The following TBC1D9 variants were observed in gnomAD, a reference collection of about 807,000 sequenced individuals.
TBC1D9 encodes the protein TBC1 domain family member 9, also known as TBC1 domain family member 9A.
Under a neutral mutation model 132.0 loss-of-function variants are expected in TBC1D9, and 63 were observed. The observed-to-expected ratio is 0.48, with a 90% CI of 0.39 to 0.59. The LOEUF (loss-of-function observed/expected upper bound fraction) is 0.59, where lower values mean the gene tolerates loss of function less well. TBC1D9 is among the 20% of genes least tolerant of loss of function. TBC1D9 has a pLI of 0.00. For missense variants in TBC1D9, 1,261 were observed against 1,592.7 expected, an observed-to-expected ratio of 0.79 and a Z score of 3.54; for synonymous variants, 610 against 609.9, an observed-to-expected ratio of 1.00 and a Z score of 0.00.
chr4:140,752,195 G>A (rs188040185), intron 1 of TBC1D9, among the ~76,000 whole-genome samples: 29 of 152,204 alleles, frequency 1.9e-4, no homozygotes, highest in African/African-American at 6.5e-4. Flanking sequence ...TTGATAAAGA[G>A]ATGAATAAAT....
At chr4:140,650,682 ATCACCATGCCTGGCTGATTT>A (rs1198442270) in intron 13 of TBC1D9, among the ~76,000 whole-genome samples, 3 of 152,010 alleles carry the variant, frequency 2.0e-5, no homozygotes, top group Non-Finnish European at 4.4e-5. Flanking sequence ...ACAGGCGCCC[ATCACCATGCCTGGCTGATTT>A]TTTTGTCTTT....
At chr4:140,707,877 C>G (rs887937085) in intron 1 of TBC1D9, among the ~76,000 whole-genome samples, 2 of 152,182 alleles carry the variant, frequency 1.3e-5, no homozygotes, top group African/African-American at 4.8e-5. Flanking sequence ...ACACTCAAGC[C>G]CCCCAAATCT....
intron 9 of TBC1D9, among the ~76,000 whole-genome samples, chr4:140,667,642 T>C (rs1046327352): frequency 3.3e-5 from 5 of 152,076 alleles, no homozygotes; most frequent in Admixed American, 2.6e-4. Flanking sequence ...CTCATGACTA[T>C]CATCCCAGCA....
chr4:140,670,486 T>TG, intron 7 of TBC1D9: 1 of 515,894 alleles, frequency 1.9e-6, no homozygotes, highest in Non-Finnish European at 3.5e-6. Context: ...ACAGATTACT[T>TG]AAGAATTTCT....
intron 1 of TBC1D9, among the ~76,000 whole-genome samples, chr4:140,717,914 A>G (rs1738363458): frequency 6.6e-6 from 1 of 152,170 alleles, no homozygotes; most frequent in Admixed American, 6.5e-5. Flanking sequence ...AGCTAGCAAT[A>G]TACTTGTTCT....
intron 13 of TBC1D9, among the ~76,000 whole-genome samples, chr4:140,648,363 G>A (rs528177948): frequency 2.0e-5 from 3 of 150,768 alleles, no homozygotes; most frequent in African/African-American, 7.3e-5. Context: ...ATCTTTATGA[G>A]CAGAAAGGCA....
At chr4:140,741,633 G>T (rs1396025288) in intron 1 of TBC1D9, among the ~76,000 whole-genome samples, 2 of 152,186 alleles carry the variant, frequency 1.3e-5, no homozygotes, top group African/African-American at 4.8e-5. Context: ...TGGGAGTATG[G>T]CTTGAGTCCA....
Position 140,634,166 on chromosome 4 carries a change from T to C in TBC1D9, c.2528A>G (p.Tyr843Cys). 1 of 1,613,446 alleles carries C rather than the reference T, an allele frequency of 6.2e-7. No individual in the cohort carries two copies. Among genetic ancestry groups the C allele is most frequent in the Non-Finnish European group, 8.5e-7 (1 of 1,179,880 alleles). ...LFKAEHLTSC[Y>C]WGGSSNALDR... ...CAGCGCGTTGCTGCTCCCGCCCCAG[T>C]AGCAGCTGGTGAGATGTTCTGCCTG... is the stretch of plus-strand genomic sequence containing the variant. The change falls in exon 16 of 21, where the codon TAC becomes TGC. Residue 843 changes from tyrosine (Y) to cysteine (C), a missense_variant. Around this residue, in one of 3 missense-constraint regions of TBC1D9, gnomAD observed 618 missense variants for 724.4 expected, o/e 0.85. Coordinates refer to ENST00000442267, the MANE Select transcript of TBC1D9 (RefSeq NM_015130.3).
chr4:140,697,540 T>C (rs1737989293), intron 2 of TBC1D9, among the ~76,000 whole-genome samples: 1 of 152,236 alleles, frequency 6.6e-6, no homozygotes, highest in South Asian at 2.1e-4. Context: ...GGGTTTATTA[T>C]AATGAAACAA....
intron 2 of TBC1D9, among the ~76,000 whole-genome samples, chr4:140,700,176 G>A (rs896805125): frequency 1.3e-5 from 2 of 151,946 alleles, no homozygotes; most frequent in African/African-American, 2.4e-5. Flanking sequence ...AAGTCCAGGC[G>A]CAGTGGTTCA....
chr4:140,643,019 C>T, intron 13 of TBC1D9: 13 of 877,474 alleles, frequency 1.5e-5, no homozygotes, highest in Non-Finnish European at 2.3e-5. Context: ...CCATGTCCTC[C>T]ACGGAGGACT....
At chr4:140,677,926 T>C (rs1389346837) in intron 5 of TBC1D9, among the ~76,000 whole-genome samples, 1 of 152,104 alleles carries the variant, frequency 6.6e-6, no homozygotes, top group Non-Finnish European at 1.5e-5. Flanking sequence ...TAACTATCTC[T>C]ATGTCCCTTC....
At chr4:140,740,426 T>C (rs1308377976) in intron 1 of TBC1D9, among the ~76,000 whole-genome samples, 2 of 152,230 alleles carry the variant, frequency 1.3e-5, no homozygotes, top group African/African-American at 4.8e-5. Context: ...CAATCTCATC[T>C]TCCTGGGTGC....
chr4:140,628,476 G>A, intron 16 of TBC1D9, 111 bp from the exon 17 acceptor site: 2 of 996,400 alleles, frequency 2.0e-6, no homozygotes, highest in Non-Finnish European at 3.1e-6. Context: ...AAGACATTGT[G>A]TGGTGAAAGG....
At chr4:140,670,967 A>G (rs1157516961) in intron 6 of TBC1D9, 41 bp from the exon 7 acceptor site, 1 of 1,573,200 alleles carries the variant, frequency 6.4e-7, no homozygotes, top group Admixed American at 1.7e-5. Flanking sequence ...TTTTCCAAGA[A>G]TTACCCAATA....
chr4:140,624,041 T>C (rs972126564), intron 20 of TBC1D9, 75 bp downstream of exon 20: 11 of 1,230,902 alleles, frequency 8.9e-6, no homozygotes, highest in Non-Finnish European at 1.3e-5. Flanking sequence ...GAGTCTACAT[T>C]TATCGATGAC....
chr4:140,645,448 G>A lies in TBC1D9; in HGVS notation c.2338-6020C>T, dbSNP rs1737089090. On this transcript the variant is annotated intron_variant, in intron 13 of 20. Transcript: ENST00000442267. ...GCACTCTCCGGCCTCTCTGGGTCGC[G>A]CTTCAGCTGCGGGCCCCTGCCCACT... is the stretch of plus-strand genomic sequence containing the variant. 8 of 419,506 alleles carry A rather than the reference G, an allele frequency of 1.9e-5. 1 individual carries two copies. Among genetic ancestry groups the A allele is most frequent in the South Asian group, 1.2e-4 (7 of 57,618 alleles). The allele number at this position is 419,506 out of a possible 1,614,324, so 26.0% of individuals were successfully genotyped here. A position where few individuals can be genotyped will look rare whatever the true frequency, so the allele number is the denominator to read the frequency against.
At chr4:140,748,712 C>A (rs1029940298) in intron 1 of TBC1D9, among the ~76,000 whole-genome samples, 1 of 152,132 alleles carries the variant, frequency 6.6e-6, no homozygotes, top group Non-Finnish European at 1.5e-5. Context: ...CAAAAATATC[C>A]TTCAAGAAAG....
chr4:140,650,267 T>C (rs1737168640), intron 13 of TBC1D9, among the ~76,000 whole-genome samples: 1 of 152,238 alleles, frequency 6.6e-6, no homozygotes, highest in Admixed American at 6.5e-5. Flanking sequence ...ATGATGAATA[T>C]TGTTTGGCCC....
Sources: gnomAD v4.1 joint callset for allele counts (sites outside exome capture counted in the v4.1 genomes callset) on GRCh38, gnomAD v4.1.1 for gene constraint, gnomAD v4.1.1 regional missense constraint, MANE v1.5 for transcripts, NCBI Gene and HGNC (gene_info 2026-07-23, HGNC 2026-07-21) for gene names.